The following ZNF362 variants were observed in gnomAD, a reference collection of about 807,000 sequenced individuals.
The protein encoded by ZNF362 is rotund homolog.
A neutral mutation model predicts 42.9 loss-of-function variants in ZNF362; 11 were observed. The observed-to-expected ratio is 0.26, with a 90% CI of 0.16 to 0.42. ZNF362 has a LOEUF of 0.42. ZNF362 is among the 20% of genes least tolerant of loss of function. The pLI, the probability that ZNF362 is intolerant of heterozygous loss-of-function variation, is 1.00. For missense variants in ZNF362, 362 were observed against 576.2 expected (o/e 0.63, Z 3.81); for synonymous variants, 255 against 257.3 (o/e 0.99, Z 0.09).
At chr1:33,238,391 A>AAAAT in the ZNF362 span, among the ~76,000 whole-genome samples, 3 of 147,696 alleles carry the variant, frequency 2.0e-5, no homozygotes, top group African/African-American at 2.5e-5. Context: ...TAAATAAAAT[A>AAAAT]AAATAAAATA....
the ZNF362 span, among the ~76,000 whole-genome samples, chr1:33,154,088 C>T: frequency 7.9e-5 from 12 of 152,076 alleles, no homozygotes; most frequent in Non-Finnish European, 1.2e-4. Context: ...GGGCTGCAGC[C>T]GAAGGGAATG....
At chr1:33,131,411 G>A in the ZNF362 span, among the ~76,000 whole-genome samples, 1 of 152,200 alleles carries the variant, frequency 6.6e-6, no homozygotes, top group African/African-American at 2.4e-5. Flanking sequence ...GTCTAAATCT[G>A]TGCTGTCTGT....
chr1:33,281,365 C>T lies in ZNF362; in HGVS notation c.684-222C>T, dbSNP rs1265697568. Among the ~76,000 whole-genome samples the T allele has an allele frequency of 3.3e-5, 5 of 152,174 alleles. No homozygotes were observed. Among genetic ancestry groups the T allele is most frequent in the Non-Finnish European group, 1.5e-5 (1 of 68,016 alleles). On this transcript the variant is annotated intron_variant, in intron 5 of 8. Coordinates refer to ENST00000539719, the MANE Select transcript of ZNF362 (RefSeq NM_152493.3). The surrounding 1 kb of genome is among the most constrained non-coding windows in gnomAD (Gnocchi z 4.8). ...TTCCCTATGAGGTGTAACCTATGCT[C>T]CAGGCTCTGTAATGTTCCCCCAGGC... is the stretch of plus-strand genomic sequence containing the variant.
At chr1:33,181,117 C>T in the ZNF362 span, 2 of 1,600,398 alleles carry the variant, frequency 1.2e-6, no homozygotes, top group Non-Finnish European at 8.5e-7. The surrounding 1 kb of genome is among the most constrained non-coding windows in gnomAD (Gnocchi z 6.5). Flanking sequence ...AGCGCGCGGT[C>T]CGTGAGGCAG....
rs112015995 is a variant in ZNF362 at position 33,294,979 on chromosome 1, C to T, written c.951C>T (p.Gly317=). The change falls in exon 7 of 9, where the codon GGC becomes GGT. Residue 317 remains glycine, a synonymous_variant. Transcript: ENST00000539719. The surrounding 1 kb of genome is among the most constrained non-coding windows in gnomAD (Gnocchi z 4.2). ...GACCCTACAAGTGCCCACATCCTGG[C>T]TGCGAGAAGGCTTTCACTCAGCTCT... ...GDRPYKCPHP[G]CEKAFTQLSN... 6.2e-7 allele frequency: 1 copy of T among 1,614,160 alleles called. No homozygotes were observed. Among genetic ancestry groups the T allele is most frequent in the Non-Finnish European group, 8.5e-7 (1 of 1,180,012 alleles).
chr1:33,148,149 A>G, the ZNF362 span, among the ~76,000 whole-genome samples: 14 of 152,288 alleles, frequency 9.2e-5, no homozygotes, highest in East Asian at 2.5e-3. Context: ...TGTCTTAACA[A>G]CAGCTGGGAT....
chr1:33,210,532 G>C, the ZNF362 span, among the ~76,000 whole-genome samples: 1 of 152,088 alleles, frequency 6.6e-6, no homozygotes, highest in African/African-American at 2.4e-5. Flanking sequence ...GGGTATTAAA[G>C]TCTCCCATTA....
chr1:33,290,602 T>C (rs1175179824), intron 6 of ZNF362, among the ~76,000 whole-genome samples: 1 of 151,890 alleles, frequency 6.6e-6, no homozygotes, highest in Non-Finnish European at 1.5e-5. Flanking sequence ...CTGGGTCAAA[T>C]GGTATTTCTA....
At chr1:33,202,259 C>A in the ZNF362 span, among the ~76,000 whole-genome samples, 1 of 152,162 alleles carries the variant, frequency 6.6e-6, no homozygotes, top group Non-Finnish European at 1.5e-5. Flanking sequence ...TTTTCCAATT[C>A]ATCCTATAAA....
the ZNF362 span, among the ~76,000 whole-genome samples, chr1:33,154,021 A>G: frequency 6.6e-6 from 1 of 152,216 alleles, no homozygotes. Context: ...AAGGTTTTAT[A>G]AACTAAGATG....
chr1:33,209,125 A>G, the ZNF362 span, among the ~76,000 whole-genome samples: 7 of 152,312 alleles, frequency 4.6e-5, no homozygotes, highest in Admixed American at 4.6e-4. Context: ...AATTTTTAGC[A>G]TGAAAGGCTG....
the ZNF362 span, among the ~76,000 whole-genome samples, chr1:33,190,074 T>A: frequency 6.6e-6 from 1 of 152,166 alleles, no homozygotes. Flanking sequence ...TGTTCTCCTG[T>A]GTACAGTTAC....
At chr1:33,193,900 G>A in the ZNF362 span, among the ~76,000 whole-genome samples, 3 of 152,214 alleles carry the variant, frequency 2.0e-5, no homozygotes, top group Non-Finnish European at 4.4e-5. Flanking sequence ...TCAGCCAACT[G>A]CACTTGTGTG....
chr1:33,266,850 TGA>T lies in ZNF362; in HGVS notation c.-88-3635_-88-3634del, dbSNP rs1645868344. Among the ~76,000 whole-genome samples the T allele has an allele frequency of 6.6e-6, 1 of 152,104 alleles. No individual in the cohort carries two copies. Among genetic ancestry groups the T allele is most frequent in the African/African-American group, 2.4e-5 (1 of 41,404 alleles). On this transcript the variant is annotated intron_variant, in intron 1 of 8. Coordinates refer to ENST00000539719, the MANE Select transcript of ZNF362 (RefSeq NM_152493.3). This position sits in a 1 kb window ranked among gnomAD's most constrained non-coding sequence, Gnocchi z 4.3. The stretch of plus-strand genomic sequence containing the variant: ...CTGCCAAGGAGCACACCTGGTGAGA[TGA>T]GTGTGGCCAGGGGACCTTCTTGGCG...
chr1:33,187,022 A>C, the ZNF362 span, among the ~76,000 whole-genome samples: 1 of 151,990 alleles, frequency 6.6e-6, no homozygotes, highest in Admixed American at 6.5e-5. Context: ...ATAAGGGTGC[A>C]CTATTATCAC....
the ZNF362 span, among the ~76,000 whole-genome samples, chr1:33,226,073 C>A: frequency 2.0e-5 from 3 of 152,040 alleles, no homozygotes; most frequent in Non-Finnish European, 4.4e-5. Context: ...GTGTCAAGCC[C>A]CCAGGAGGCA....
At chr1:33,208,551 C>T in the ZNF362 span, among the ~76,000 whole-genome samples, 5 of 151,794 alleles carry the variant, frequency 3.3e-5, no homozygotes, top group Admixed American at 2.0e-4. Flanking sequence ...ATTGATTTTT[C>T]CTATCCATGA....
the ZNF362 span, among the ~76,000 whole-genome samples, chr1:33,202,310 T>C: frequency 5.9e-3 from 894 of 152,222 alleles, 10 homozygotes; most frequent in African/African-American, 0.02. Context: ...GAAGACACTG[T>C]ATCAGGCCGG....
chr1:33,155,773 C>T, the ZNF362 span, among the ~76,000 whole-genome samples: 1 of 152,214 alleles, frequency 6.6e-6, no homozygotes, highest in African/African-American at 2.4e-5. Flanking sequence ...GACTCAGGAA[C>T]ACACAGGGTT....
Sources: allele counts gnomAD v4.1 joint callset (sites outside exome capture counted in the v4.1 genomes callset), GRCh38; gene constraint gnomAD v4.1.1; non-coding constraint Gnocchi (gnomAD v3.1); transcripts MANE v1.5; gene names NCBI Gene and HGNC (gene_info 2026-07-23, HGNC 2026-07-21).